The following BCKDHB variants were observed in gnomAD, a reference collection of about 807,000 sequenced individuals.
The protein encoded by BCKDHB is 2-oxoisovalerate dehydrogenase subunit beta, mitochondrial.
Under a neutral mutation model 48.5 loss-of-function variants are expected in BCKDHB, and 41 were observed. That is an observed-to-expected ratio of 0.85 (90% CI 0.66 to 1.10). The LOEUF (loss-of-function observed/expected upper bound fraction) is 1.10, where lower values mean the gene tolerates loss of function less well. Ranked by LOEUF, BCKDHB falls within the 50% of genes least tolerant of loss-of-function variation. The probability of loss-of-function intolerance (pLI) is 0.00; values close to 1 mark genes in which losing one functional copy is unlikely to be tolerated. For synonymous variants in BCKDHB, 201 were observed against 174.8 expected, an observed-to-expected ratio of 1.15 and a Z score of -1.18; for missense variants, 496 against 494.2, an observed-to-expected ratio of 1.00 and a Z score of -0.03.
the BCKDHB span, among the ~76,000 whole-genome samples, chr6:80,399,166 C>T: frequency 6.6e-6 from 1 of 152,042 alleles, no homozygotes; most frequent in Admixed American, 6.6e-5. Flanking sequence ...TGGACAAAAG[C>T]TAGAAGCATT....
intron 8 of BCKDHB, among the ~76,000 whole-genome samples, chr6:80,252,963 A>T (rs1776897729): frequency 6.6e-6 from 1 of 152,156 alleles, no homozygotes; most frequent in Admixed American, 6.6e-5. Flanking sequence ...CATCATCCCC[A>T]TCACCACTGT....
chr6:80,440,392 A>G, the BCKDHB span, among the ~76,000 whole-genome samples: 4 of 152,194 alleles, frequency 2.6e-5, no homozygotes, highest in African/African-American at 4.8e-5. Context: ...ATGTCACATA[A>G]AAAGAATCAC....
At chr6:80,433,774 T>A in the BCKDHB span, among the ~76,000 whole-genome samples, 10 of 152,228 alleles carry the variant, frequency 6.6e-5, no homozygotes, top group East Asian at 1.9e-4. Flanking sequence ...TAAGATTTTT[T>A]AAAAAACACT....
chr6:80,321,276 CT>C (rs1269884278), intron 9 of BCKDHB, among the ~76,000 whole-genome samples: 1 of 152,170 alleles, frequency 6.6e-6, no homozygotes, highest in African/African-American at 2.4e-5. Flanking sequence ...CCTTAAGTAT[CT>C]GGATGGGAAG....
At chr6:80,307,802 T>C (rs1293355299) in intron 9 of BCKDHB, 4 of 985,110 alleles carry the variant, frequency 4.1e-6, no homozygotes, top group Non-Finnish European at 4.8e-6. Flanking sequence ...TTTACCAAAG[T>C]TGTAGATAAT....
chr6:80,336,100 A>T (rs1769577551), intron 9 of BCKDHB, among the ~76,000 whole-genome samples: 1 of 151,984 alleles, frequency 6.6e-6, no homozygotes, highest in African/African-American at 2.4e-5. Context: ...TTTTGAGAAA[A>T]TAGTAATTCA....
rs986307127 is a variant in BCKDHB at position 80,175,920 on chromosome 6, A to G, written c.742+4530A>G. On this transcript the variant is annotated intron_variant, in intron 6 of 9. Transcript: ENST00000320393. Reference sequence around the variant, plus strand: ...AAGTCCACGGGGAAGACTGTGAGGAAAGGAAGATGGAAATAAAGTAGGGGG... The same window carrying G: ...AAGTCCACGGGGAAGACTGTGAGGAGAGGAAGATGGAAATAAAGTAGGGGG... 1.9e-4 allele frequency among the ~76,000 whole-genome samples: 29 copies of G among 152,336 alleles called. 1 individual carries two copies. The highest frequency in any genetic ancestry group is 1.2e-3 in the East Asian group (6 of 5,182).
At chr6:80,192,189 C>T (rs1562123430) in intron 6 of BCKDHB, among the ~76,000 whole-genome samples, 3 of 151,996 alleles carry the variant, frequency 2.0e-5, no homozygotes, top group African/African-American at 7.3e-5. Flanking sequence ...GTTTAATTAG[C>T]AGTTTTTTTT....
At chr6:80,256,166 A>G (rs623568) in intron 8 of BCKDHB, among the ~76,000 whole-genome samples, 150,817 of 152,332 alleles carry the variant, frequency 0.99, 74,662 homozygotes, top group East Asian at 1. Flanking sequence ...TCTTAATGTC[A>G]CATTTATATG....
the BCKDHB span, among the ~76,000 whole-genome samples, chr6:80,412,362 G>C: frequency 6.6e-6 from 1 of 151,954 alleles, no homozygotes; most frequent in East Asian, 1.9e-4. Flanking sequence ...GGCCAGTCTG[G>C]TCTTGAACTC....
chr6:80,154,513 A>G (rs2127758221), intron 3 of BCKDHB, among the ~76,000 whole-genome samples: 1 of 152,180 alleles, frequency 6.6e-6, no homozygotes, highest in East Asian at 1.9e-4. Flanking sequence ...TGTGACAAAC[A>G]GCACTTTGTT....
intron 6 of BCKDHB, among the ~76,000 whole-genome samples, chr6:80,200,102 G>C (rs1399274889): frequency 1.3e-5 from 2 of 149,688 alleles, no homozygotes; most frequent in Non-Finnish European, 3.0e-5. Context: ...ACTAAAGAAG[G>C]CTTCTCAGCA....
chr6:80,305,443 A>T (rs1468741252), intron 9 of BCKDHB, among the ~76,000 whole-genome samples: 2 of 152,174 alleles, frequency 1.3e-5, no homozygotes, highest in East Asian at 1.9e-4. Context: ...AAAAAAATTT[A>T]AAAATGTTTT....
At chr6:80,227,362 T>G (rs1260686956) in intron 8 of BCKDHB, among the ~76,000 whole-genome samples, 1 of 152,186 alleles carries the variant, frequency 6.6e-6, no homozygotes, top group Non-Finnish European at 1.5e-5. Context: ...GTCCAGTTGA[T>G]TCATGTGGAC....
chr6:80,172,528 T>TGG (rs1284491189), intron 6 of BCKDHB, among the ~76,000 whole-genome samples: 1 of 152,118 alleles, frequency 6.6e-6, no homozygotes, highest in Non-Finnish European at 1.5e-5. Context: ...GAAAGTAGCT[T>TGG]GGCCCTCTTC....
At chr6:80,203,071 C>A in intron 7 of BCKDHB, 31 bp from the exon 8 acceptor site, 1 of 1,459,374 alleles carries the variant, frequency 6.9e-7, no homozygotes, top group South Asian at 1.1e-5. Flanking sequence ...CCTTTGTAGT[C>A]ATTCTCTGCA....
At chr6:80,374,467 C>T in the BCKDHB span, 1 of 754,564 alleles carries the variant, frequency 1.3e-6, no homozygotes, top group Admixed American at 1.7e-5. Flanking sequence ...CCCTTGATGG[C>T]CTGGGCAGTT....
chr6:80,159,920 A>G (rs961256083), intron 3 of BCKDHB, among the ~76,000 whole-genome samples: 3 of 152,222 alleles, frequency 2.0e-5, no homozygotes, highest in African/African-American at 7.2e-5. Flanking sequence ...AGGAAACACA[A>G]CTTGCTTAGA....
the BCKDHB span, among the ~76,000 whole-genome samples, chr6:80,367,176 G>A: frequency 6.6e-6 from 1 of 151,972 alleles, no homozygotes; most frequent in Non-Finnish European, 1.5e-5. Context: ...TACTGTTAAA[G>A]TTACTCAATA....
Sources: allele counts gnomAD v4.1 joint callset (sites outside exome capture counted in the v4.1 genomes callset), GRCh38; gene constraint gnomAD v4.1.1; transcripts MANE v1.5; gene names NCBI Gene and HGNC (gene_info 2026-07-23, HGNC 2026-07-21).